SYCP2L: variants seen among roughly 807,000 people sequenced by gnomAD.
The protein encoded by SYCP2L is synaptonemal complex protein 2-like.
In SYCP2L, 98 loss-of-function variants were observed where a neutral mutation model predicts 125.8. The observed-to-expected ratio is 0.78, with a 90% CI of 0.66 to 0.92. SYCP2L has a LOEUF of 0.92. Among genes scored for constraint, SYCP2L ranks in the 40% least tolerant of loss-of-function variants. The pLI, the probability that SYCP2L is intolerant of heterozygous loss-of-function variation, is 0.00. For missense variants in SYCP2L, 842 were observed against 936.4 expected, an observed-to-expected ratio of 0.90 and a Z score of 1.32; for synonymous variants, 317 against 325.4, an observed-to-expected ratio of 0.97 and a Z score of 0.28.
chr6:10,934,907 C>T, intron 20 of SYCP2L, 151 bp from the exon 21 acceptor site: 2 of 734,442 alleles, frequency 2.7e-6, no homozygotes, highest in Non-Finnish European at 2.1e-6. Flanking sequence ...TAAAAACACA[C>T]AGAAATTCTT....
In SYCP2L at chr6:10,944,392, G is replaced by A. The variant is rs865822401; in HGVS notation, c.1954+1646G>A. ...TTATATTGATTCCTAGGAATTCTTC[G>A]TAATACATTCTGGACACTTGTCCTT... On this transcript the variant is annotated intron_variant, in intron 23 of 29. Transcript: ENST00000283141. 3.9e-5 allele frequency among the ~76,000 whole-genome samples: 6 copies of A among 152,228 alleles called. No homozygotes were observed. The Middle Eastern group carries it at 0.01, about 259-fold the overall frequency.
chr6:10,890,326 A>G (rs953393897), intron 1 of SYCP2L, among the ~76,000 whole-genome samples: 3 of 152,218 alleles, frequency 2.0e-5, no homozygotes, highest in African/African-American at 7.2e-5. Flanking sequence ...AACAGTGTAC[A>G]AGAGTTCCTC....
At chr6:10,964,673 A>G (rs901881987) in intron 29 of SYCP2L, among the ~76,000 whole-genome samples, 1 of 152,222 alleles carries the variant, frequency 6.6e-6, no homozygotes, top group Non-Finnish European at 1.5e-5. Context: ...AACGTGTTTA[A>G]TGGAGGCAAC....
chr6:10,927,934 C>T (rs557497221), intron 17 of SYCP2L, among the ~76,000 whole-genome samples: 3 of 152,262 alleles, frequency 2.0e-5, no homozygotes, highest in African/African-American at 4.8e-5. Context: ...AAGAATTCAG[C>T]GATATTTCTC....
intron 14 of SYCP2L, among the ~76,000 whole-genome samples, chr6:10,913,222 T>G (rs1294527383): frequency 6.6e-6 from 1 of 152,242 alleles, no homozygotes; most frequent in Non-Finnish European, 1.5e-5. Flanking sequence ...TTCCCCAAAG[T>G]GCTGCTTTGG....
At position 10,902,945 on chromosome 6, in the gene SYCP2L, A is replaced by C; in HGVS notation, c.623A>C (p.Glu208Ala). ...REERKKFPLSEGMCHLMKDLA... is the reference protein window; with the variant it reads ...REERKKFPLSAGMCHLMKDLA... The stretch of plus-strand genomic sequence containing the variant: ...GAGAGAAAAAAATTCCCTTTGTCAG[A>C]AGGCATGTGTCATCTTATGTAAGTG... The change falls in exon 8 of 30, where the codon GAA becomes GCA. Residue 208 changes from glutamate to alanine, a missense_variant. Coordinates refer to ENST00000283141, the MANE Select transcript of SYCP2L (RefSeq NM_001040274.3). 2 of 1,614,164 alleles carry C rather than the reference A, an allele frequency of 1.2e-6. No individual in the cohort carries two copies. Among genetic ancestry groups the C allele is most frequent in the African/African-American group, 2.7e-5 (2 of 75,052 alleles).
At chr6:10,959,940 C>A (rs6920247) in intron 26 of SYCP2L, among the ~76,000 whole-genome samples, 4 of 151,206 alleles carry the variant, frequency 2.6e-5, no homozygotes, top group Non-Finnish European at 5.9e-5. Flanking sequence ...GCACATGCAC[C>A]TGGACACACA....
intron 18 of SYCP2L, 124 bp downstream of exon 18, chr6:10,928,574 A>AT (rs1326657891): frequency 2.9e-6 from 4 of 1,362,262 alleles, no homozygotes; most frequent in Non-Finnish European, 3.8e-6. Flanking sequence ...ATTTAAAAAA[A>AT]TTTTTTTAAG....
intron 1 of SYCP2L, 138 bp from the exon 2 acceptor site, chr6:10,891,375 A>C: frequency 1.5e-6 from 1 of 669,736 alleles, no homozygotes; most frequent in Non-Finnish European, 2.5e-6. Context: ...CTATAATATG[A>C]GCAAACAAAA....
At chr6:10,934,968 C>T (rs1781066857) in intron 20 of SYCP2L, 90 bp from the exon 21 acceptor site, 1 of 1,191,670 alleles carries the variant, frequency 8.4e-7, no homozygotes, top group African/African-American at 1.6e-5. Context: ...ACTTAAGCTT[C>T]TTAAAGTAAT....
intron 2 of SYCP2L, among the ~76,000 whole-genome samples, chr6:10,893,310 G>T (rs1039035788): frequency 6.6e-6 from 1 of 152,166 alleles, no homozygotes; most frequent in African/African-American, 2.4e-5. Flanking sequence ...TCAAGTATAT[G>T]TACTTAGAAG....
intron 28 of SYCP2L, among the ~76,000 whole-genome samples, chr6:10,962,737 G>A (rs1466491669): frequency 6.6e-6 from 1 of 152,158 alleles, no homozygotes; most frequent in Non-Finnish European, 1.5e-5. Context: ...GGGAAGAATA[G>A]CATTGCTTCA....
At chr6:10,927,555 C>T (rs1028473394) in intron 17 of SYCP2L, among the ~76,000 whole-genome samples, 188 bp downstream of exon 17, 3 of 151,908 alleles carry the variant, frequency 2.0e-5, no homozygotes, top group Admixed American at 2.0e-4. Flanking sequence ...AGGGAGTGTA[C>T]GAATAGGGTG....
intron 15 of SYCP2L, among the ~76,000 whole-genome samples, chr6:10,926,054 G>A (rs540758487): frequency 4.6e-5 from 7 of 152,264 alleles, no homozygotes; most frequent in African/African-American, 9.6e-5. Context: ...GCGGTTAGAC[G>A]TTACCCAATG....
intron 28 of SYCP2L, chr6:10,963,410 CCTTAT>C (rs1408567311): frequency 1.1e-5 from 3 of 261,038 alleles, no homozygotes; most frequent in African/African-American, 2.3e-5. Flanking sequence ...CCTTGTCTGT[CCTTAT>C]CTTATGTTTT....
At chr6:10,961,688 C>T in intron 28 of SYCP2L, 130 bp downstream of exon 28, 1 of 881,578 alleles carries the variant, frequency 1.1e-6, no homozygotes, top group South Asian at 1.6e-5. Context: ...TTTGAACCGG[C>T]CACTTCTGTG....
chr6:10,919,170 G>A (rs997470276), intron 14 of SYCP2L, among the ~76,000 whole-genome samples: 7 of 152,168 alleles, frequency 4.6e-5, no homozygotes, highest in Admixed American at 1.3e-4. Context: ...TAGTACTAGA[G>A]TTGGTTTTCT....
At chr6:10,900,787 G>C (rs9379922) in intron 6 of SYCP2L, among the ~76,000 whole-genome samples, 86,495 of 152,014 alleles carry the variant, frequency 0.57, 25,071 homozygotes, top group East Asian at 0.81. Flanking sequence ...ATGAATTTCG[G>C]GGGGGGACAC....
At chr6:10,963,985 TCTCA>T (rs1231712261) in intron 29 of SYCP2L, 142 bp downstream of exon 29, 3 of 552,318 alleles carry the variant, frequency 5.4e-6, no homozygotes, top group South Asian at 2.1e-5. Flanking sequence ...TTTGATGGAG[TCTCA>T]CTCTGTCACC....
Sources: allele counts gnomAD v4.1 joint callset (sites outside exome capture counted in the v4.1 genomes callset), GRCh38; gene constraint gnomAD v4.1.1; transcripts MANE v1.5; gene names NCBI Gene and HGNC (gene_info 2026-07-23, HGNC 2026-07-21).